The following PTPRM variants were observed in gnomAD, a reference collection of about 807,000 sequenced individuals.
PTPRM encodes protein tyrosine phosphatase receptor type M.
PTPRM carries 47 observed loss-of-function variants against 186.7 expected under a neutral mutation model. The ratio of observed to expected loss-of-function variants is 0.25; its 90% confidence interval spans 0.20 to 0.32. The LOEUF is 0.32. PTPRM is among the 10% of genes least tolerant of loss of function. The pLI is 1.00. For missense variants in PTPRM, 1,494 were observed against 1,865.0 expected (o/e 0.80, Z 3.66); for synonymous variants, 668 against 674.9 (o/e 0.99, Z 0.16).
At chr18:8,290,531 TG>T (rs920208496) in intron 19 of PTPRM, among the ~76,000 whole-genome samples, 2 of 151,624 alleles carry the variant, frequency 1.3e-5, no homozygotes, top group African/African-American at 4.9e-5. Context: ...GTATGAGGGG[TG>T]GGGAAGGAGG....
chr18:8,225,379 G>A (rs1311591563), intron 14 of PTPRM, among the ~76,000 whole-genome samples: 1 of 135,492 alleles, frequency 7.4e-6, no homozygotes, highest in Non-Finnish European at 1.6e-5. Flanking sequence ...GTTCATTCAA[G>A]TTGTCTCTTG....
intron 11 of PTPRM, 146 bp from the exon 12 acceptor site, chr18:8,113,338 TGA>T: frequency 1.5e-6 from 1 of 673,512 alleles, no homozygotes; most frequent in Non-Finnish European, 2.5e-6. Context: ...AAGTGCTGCA[TGA>T]GAGTCTGTTA....
intron 14 of PTPRM, among the ~76,000 whole-genome samples, chr18:8,181,633 T>A (rs2093576237): frequency 6.6e-6 from 1 of 152,232 alleles, no homozygotes; most frequent in Non-Finnish European, 1.5e-5. Context: ...CTGCTGCTTG[T>A]GCATCTTAGA....
chr18:7,819,355 T>C (rs989702352), intron 2 of PTPRM, among the ~76,000 whole-genome samples: 7 of 152,250 alleles, frequency 4.6e-5, no homozygotes, highest in Non-Finnish European at 8.8e-5. Context: ...AGGAACACAT[T>C]GGCGGAAGAA....
intron 32 of PTPRM, among the ~76,000 whole-genome samples, chr18:8,401,657 C>T (rs921955055): frequency 1.3e-5 from 2 of 152,258 alleles, no homozygotes; most frequent in African/African-American, 4.8e-5. Flanking sequence ...ACGCTGGCCG[C>T]CAGCCTGAGT....
chr18:7,982,203 C>A (rs1226683902), intron 7 of PTPRM, among the ~76,000 whole-genome samples: 2 of 151,754 alleles, frequency 1.3e-5, no homozygotes, highest in Non-Finnish European at 2.9e-5. Context: ...GCTTAAAATA[C>A]AAACACATTG....
At chr18:7,813,986 T>C (rs1164432507) in intron 2 of PTPRM, 1 of 152,222 alleles carries the variant, frequency 6.6e-6, no homozygotes, top group Non-Finnish European at 1.5e-5. Flanking sequence ...CCTCTTCACT[T>C]TAATACTTAT....
chr18:8,385,081 G>A (rs146215211), intron 30 of PTPRM, among the ~76,000 whole-genome samples: 50 of 152,148 alleles, frequency 3.3e-4, no homozygotes, highest in Non-Finnish European at 5.4e-4. Flanking sequence ...AGTAAGGGGG[G>A]TTCTGGCTAA....
At chr18:8,369,592 T>C (rs1190952706) in intron 23 of PTPRM, among the ~76,000 whole-genome samples, 1 of 152,136 alleles carries the variant, frequency 6.6e-6, no homozygotes, top group African/African-American at 2.4e-5. Flanking sequence ...AAGAATTCTC[T>C]TTTAGACTTA....
chr18:7,830,773 A>C (rs1234760683), intron 2 of PTPRM, among the ~76,000 whole-genome samples: 1 of 152,202 alleles, frequency 6.6e-6, no homozygotes, highest in African/African-American at 2.4e-5. Context: ...TGAAGGATAG[A>C]GAGGTAAGTC....
At chr18:7,679,178 A>C (rs2039420852) in intron 1 of PTPRM, among the ~76,000 whole-genome samples, 3 of 152,256 alleles carry the variant, frequency 2.0e-5, no homozygotes, top group Non-Finnish European at 4.4e-5. Context: ...CAAGATATGT[A>C]GCATTTACTA....
At chr18:7,985,096 A>G (rs1457041810) in intron 7 of PTPRM, among the ~76,000 whole-genome samples, 1 of 129,596 alleles carries the variant, frequency 7.7e-6, no homozygotes, top group Non-Finnish European at 1.5e-5. Context: ...TATACATATA[A>G]TTATATATAC....
chr18:8,074,741 A>T (rs986003360), intron 8 of PTPRM, among the ~76,000 whole-genome samples: 1 of 152,092 alleles, frequency 6.6e-6, no homozygotes, highest in African/African-American at 2.4e-5. Context: ...CCCATTTCTA[A>T]TTGTACTATT....
chr18:7,712,466 A>G (rs1189792152), intron 1 of PTPRM, among the ~76,000 whole-genome samples: 1 of 152,106 alleles, frequency 6.6e-6, no homozygotes, highest in Non-Finnish European at 1.5e-5. Flanking sequence ...CTTCTTATTC[A>G]AAGGATCACA....
chr18:7,934,282 CA>C (rs1303262995), intron 5 of PTPRM, among the ~76,000 whole-genome samples: 1 of 151,990 alleles, frequency 6.6e-6, no homozygotes, highest in African/African-American at 2.4e-5. Flanking sequence ...TTAGAGTTAA[CA>C]GTTTTTCAGC....
chr18:8,021,155 T>A (rs1474501553), intron 7 of PTPRM, among the ~76,000 whole-genome samples: 1 of 152,110 alleles, frequency 6.6e-6, no homozygotes, highest in Non-Finnish European at 1.5e-5. Context: ...AAAATTATGT[T>A]GGAAAATACT....
chr18:7,827,096 TCAAAAA>T (rs771493805), intron 2 of PTPRM, among the ~76,000 whole-genome samples: 11 of 152,138 alleles, frequency 7.2e-5, no homozygotes, highest in East Asian at 1.9e-4. Context: ...CAAGGCCCTG[TCAAAAA>T]CAAAAACAAA....
chr18:7,731,505 C>T (rs1292922317), intron 1 of PTPRM, among the ~76,000 whole-genome samples: 1 of 152,096 alleles, frequency 6.6e-6, no homozygotes, highest in Non-Finnish European at 1.5e-5. Flanking sequence ...CTAATTTAAT[C>T]CTTTAGTTTG....
chr18:8,054,921 C>T (rs1332078262), intron 7 of PTPRM, among the ~76,000 whole-genome samples: 1 of 151,990 alleles, frequency 6.6e-6, no homozygotes, highest in Admixed American at 6.6e-5. Context: ...TTGACATATT[C>T]ATATTTTCTC....
Sources: gnomAD v4.1 joint callset for allele counts (sites outside exome capture counted in the v4.1 genomes callset) on GRCh38, gnomAD v4.1.1 for gene constraint, MANE v1.5 for transcripts, NCBI Gene and HGNC (gene_info 2026-07-23, HGNC 2026-07-21) for gene names.